Variants in ANKRD31 observed in about 807,000 individuals in gnomAD.
ANKRD31 encodes the protein ankyrin repeat domain-containing protein 31.
ANKRD31 carries 147 observed loss-of-function variants against 186.0 expected under a neutral mutation model. The ratio of observed to expected loss-of-function variants is 0.79; its 90% confidence interval spans 0.69 to 0.91. ANKRD31 has a LOEUF of 0.91. Ranked by LOEUF, ANKRD31 falls within the 40% of genes least tolerant of loss-of-function variation. The pLI is 0.00. For missense variants in ANKRD31, 1,986 were observed against 2,148.8 expected, an observed-to-expected ratio of 0.92 and a Z score of 1.50; for synonymous variants, 673 against 736.4, an observed-to-expected ratio of 0.91 and a Z score of 1.39.
chr5:75,153,262 C>G (rs1751956749), intron 12 of ANKRD31, among the ~76,000 whole-genome samples: 1 of 152,108 alleles, frequency 6.6e-6, no homozygotes, highest in Non-Finnish European at 1.5e-5. Flanking sequence ...TGACTCTCAT[C>G]TAGAACCACT....
rs1013195147 is a variant in ANKRD31 at position 75,206,432 on chromosome 5, A to G, written c.382T>C (p.Leu128=). ...ATACCTTCAATATTTTGGTGGTTCA[A>G]TGAAAGTCCAGACTGGCGAAACGAC... is the stretch of plus-strand genomic sequence containing the variant. ...IGSFRQSGLS[L]NHQNIEGPEA... is the part of the protein sequence containing the mutation. Residue 128 remains leucine (L), a synonymous_variant, in exon 5 of 26, where the codon TTG becomes CTG. Transcript: ENST00000506364. The G allele has an allele frequency of 3.8e-5, 56 of 1,483,330 alleles. No homozygotes were observed. The highest frequency in any genetic ancestry group is 9.8e-5 in the African/African-American group (7 of 71,214). The allele number at this position is 1,483,330 out of a possible 1,614,324, so 91.9% of individuals were successfully genotyped here.
At chr5:75,114,952 C>A (rs1370406513) in intron 19 of ANKRD31, among the ~76,000 whole-genome samples, 1 of 152,170 alleles carries the variant, frequency 6.6e-6, no homozygotes. Context: ...ATCGCCAAGT[C>A]AATCCTGAGC....
chr5:75,150,068 G>A (rs1751742481), intron 12 of ANKRD31, among the ~76,000 whole-genome samples: 1 of 151,830 alleles, frequency 6.6e-6, no homozygotes, highest in Non-Finnish European at 1.5e-5. Context: ...TTCCCATAAT[G>A]TACCGGGTAC....
At chr5:75,186,100 TC>T (rs1419934576) in intron 10 of ANKRD31, among the ~76,000 whole-genome samples, 1 of 152,176 alleles carries the variant, frequency 6.6e-6, no homozygotes, top group Non-Finnish European at 1.5e-5. Context: ...AATTTTCCTT[TC>T]CCTAAGGATT....
At chr5:75,081,896 T>C (rs1238545864) in intron 24 of ANKRD31, among the ~76,000 whole-genome samples, 1 of 152,154 alleles carries the variant, frequency 6.6e-6, no homozygotes, top group African/African-American at 2.4e-5. Context: ...CCAAAGTCTA[T>C]AGTCAGGCTG....
At chr5:75,204,687 C>T (rs1236307460) in intron 5 of ANKRD31, among the ~76,000 whole-genome samples, 1 of 152,078 alleles carries the variant, frequency 6.6e-6, no homozygotes, top group East Asian at 1.9e-4. Context: ...GACACAGACC[C>T]CACTTTATAT....
intron 11 of ANKRD31, among the ~76,000 whole-genome samples, chr5:75,155,779 G>A (rs1325206064): frequency 6.6e-6 from 1 of 152,040 alleles, no homozygotes; most frequent in East Asian, 1.9e-4. Context: ...AAGCATCCTA[G>A]CCTACTAAAG....
At chr5:75,089,610 T>C (rs549045150) in intron 23 of ANKRD31, among the ~76,000 whole-genome samples, 1 of 152,310 alleles carries the variant, frequency 6.6e-6, no homozygotes, top group South Asian at 2.1e-4. Context: ...GTAAAGAAAA[T>C]CACTAGGGTA....
rs570042156 is a variant in ANKRD31 at position 75,166,217 on chromosome 5, C to T, written c.1707+2762G>A. Reference sequence around the variant, plus strand: ...AGGTGTGGCAGCTCCTGCCTGTAATCCCAGCACTTTGGGAGGCCTAGGCGG... The same window carrying T: ...AGGTGTGGCAGCTCCTGCCTGTAATTCCAGCACTTTGGGAGGCCTAGGCGG... On this transcript the variant is annotated intron_variant, in intron 11 of 25. Transcript: ENST00000506364. 5.9e-4 allele frequency among the ~76,000 whole-genome samples: 90 copies of T among 152,288 alleles called. 1 individual carries two copies. Among genetic ancestry groups the T allele is most frequent in the African/African-American group, 2.1e-3 (86 of 41,566 alleles).
At chr5:75,171,593 G>C (rs1308467056) in intron 10 of ANKRD31, among the ~76,000 whole-genome samples, 2 of 149,664 alleles carry the variant, frequency 1.3e-5, no homozygotes, top group Non-Finnish European at 3.0e-5. Context: ...GTAGAAGGCA[G>C]AAAAAGAACA....
rs184670081 is a variant in ANKRD31, at chr5:75,139,094, A to G, written c.3596-111T>C. 1,011 of 1,145,226 alleles carry G rather than the reference A, an allele frequency of 8.8e-4. 6 individuals are homozygous for G. In the South Asian group the frequency reaches 0.011, roughly 12 times the overall value. The allele number at this position is 1,145,226 out of a possible 1,614,324, so 70.9% of individuals were successfully genotyped here. On this transcript the variant is annotated intron_variant, in intron 15 of 25. Transcript: ENST00000506364. ...AAAATACCACACTACACAGAAACAT[A>G]TATCAATTAATGTTATCATTGCTGT...
At position 75,080,539 on chromosome 5, in the gene ANKRD31, T is replaced by C. The variant is rs747928004; in HGVS notation, c.5647+29A>G. The C allele has an allele frequency of 2.1e-6, 3 of 1,429,054 alleles. 1 individual carries two copies. The highest frequency in any genetic ancestry group is 4.2e-5 in the Admixed American group (2 of 47,346). The allele number at this position is 1,429,054 out of a possible 1,614,324, so 88.5% of individuals were successfully genotyped here. A position where few individuals can be genotyped will look rare whatever the true frequency, so the allele number is the denominator to read the frequency against. ...GAATCTAAACACTTATAAAAGTAAA[T>C]GGAATTGAATATTTTCTTTTTTTTT... On this transcript the variant is annotated intron_variant, in intron 25 of 25. Transcript: ENST00000506364.
Position 75,118,313 on chromosome 5 carries a change from T to C in ANKRD31, c.3877-16A>G. The C allele has an allele frequency of 2.1e-6, 3 of 1,456,546 alleles. No homozygotes were observed. Among genetic ancestry groups the C allele is most frequent in the Non-Finnish European group, 2.7e-6 (3 of 1,114,376 alleles). The allele number at this position is 1,456,546 out of a possible 1,614,324, so 90.2% of individuals were successfully genotyped here. A position where few individuals can be genotyped will look rare whatever the true frequency, so the allele number is the denominator to read the frequency against. On this transcript the variant is annotated splice_polypyrimidine_tract_variant and intron_variant, in intron 17 of 25. Coordinates refer to ENST00000506364, the MANE Select transcript of ANKRD31 (RefSeq NM_001372053.1). ...TCTCAGCTGCCTACAAAGTATTTTT[T>C]CAAAGTTATCTCTACAGACACCAAA...
At position 75,146,614 on chromosome 5, in the gene ANKRD31, TCTC is replaced by T. The variant is rs919232495; in HGVS notation, c.2794_2796del (p.Glu932del). ...CCCATTTCTTTTTTATTTGTTAAAT[TCTC>T]CTTAAAATTATAGTGTTTTTTGCCA... On this transcript the variant is annotated inframe_deletion, in exon 14 of 26. Coordinates refer to ENST00000506364, the MANE Select transcript of ANKRD31 (RefSeq NM_001372053.1). 5.2e-6 allele frequency: 8 copies of T among 1,535,260 alleles called. No individual in the cohort carries two copies. The African/African-American group carries it at 1.1e-4, about 21-fold the overall frequency.
intron 4 of ANKRD31, among the ~76,000 whole-genome samples, chr5:75,208,801 T>C (rs1233154472): frequency 1.3e-5 from 2 of 152,202 alleles, no homozygotes; most frequent in Non-Finnish European, 2.9e-5. Context: ...GGCATATTCA[T>C]TTCCCCTGAA....
intron 11 of ANKRD31, among the ~76,000 whole-genome samples, chr5:75,158,650 G>T (rs1328323253): frequency 1.3e-5 from 2 of 151,936 alleles, no homozygotes; most frequent in Non-Finnish European, 2.9e-5. Flanking sequence ...TAAAAAGCTG[G>T]GTGTGGTGGT....
In ANKRD31 at chr5:75,183,411, A is replaced by C. The variant is rs113407883; in HGVS notation, c.1564+5082T>G. 2.6e-3 allele frequency among the ~76,000 whole-genome samples: 394 copies of C among 152,250 alleles called. 2 individuals carry two copies. Among genetic ancestry groups the C allele is most frequent in the African/African-American group, 8.4e-3 (351 of 41,558 alleles). On this transcript the variant is annotated intron_variant, in intron 10 of 25. Transcript: ENST00000506364. ...TAGTTAGTATTATACTGGAAATCCT[A>C]GTGAGAGAAATTAGGCAAAAGAAAA...
At chr5:75,178,470 C>G (rs1754002939) in intron 10 of ANKRD31, among the ~76,000 whole-genome samples, 1 of 152,076 alleles carries the variant, frequency 6.6e-6, no homozygotes, top group South Asian at 2.1e-4. Context: ...CCAAAATTGA[C>G]CACATAGTTG....
In ANKRD31 at chr5:75,169,011, G is replaced by T. The variant is rs1382573282; in HGVS notation, c.1675C>A (p.Leu559Ile). The change falls in exon 11 of 26, where the codon CTA (leucine) becomes ATA (isoleucine). Residue 559 changes from leucine to isoleucine, a missense_variant. By Grantham distance (5) the Leu-to-Ile change is conservative. Transcript: ENST00000506364. ...NIKGLYQITP[L>I]HDAVMNGHYK... Reference sequence around the variant, plus strand: ...TGTCCATTCATCACTGCATCATGTAGGGGAGTAATCTGGTATAATCCTTTG... The same window carrying T: ...TGTCCATTCATCACTGCATCATGTATGGGAGTAATCTGGTATAATCCTTTG... The T allele has an allele frequency of 1.3e-6, 2 of 1,536,360 alleles. No homozygotes were observed. Among genetic ancestry groups the T allele is most frequent in the Non-Finnish European group, 1.7e-6 (2 of 1,146,322 alleles).
Sources: gnomAD v4.1 joint callset for allele counts (sites outside exome capture counted in the v4.1 genomes callset) on GRCh38, gnomAD v4.1.1 for gene constraint, MANE v1.5 for transcripts, NCBI Gene and HGNC (gene_info 2026-07-23, HGNC 2026-07-21) for gene names.